MYRFL: variants seen among roughly 807,000 people sequenced by gnomAD.
The protein encoded by MYRFL is myelin regulatory factor like.
A neutral mutation model predicts 109.4 loss-of-function variants in MYRFL; 88 were observed. The ratio of observed to expected loss-of-function variants is 0.80; its 90% CI spans 0.68 to 0.96. The LOEUF is 0.96. Among genes scored for constraint, MYRFL ranks in the 40% least tolerant of loss-of-function variants. The pLI is 0.00. For synonymous variants in MYRFL, 324 were observed against 320.9 expected (o/e 1.01, Z -0.10); for missense variants, 957 against 954.9 (o/e 1.00, Z -0.03).
chr12:69,931,812 C>A (rs1484359954), intron 15 of MYRFL, among the ~76,000 whole-genome samples: 3 of 152,290 alleles, frequency 2.0e-5, no homozygotes, highest in African/African-American at 7.2e-5. Flanking sequence ...GCCTGTTCCC[C>A]ATATGCAAGT....
intron 2 of MYRFL, among the ~76,000 whole-genome samples, chr12:69,863,587 A>G (rs1174513637): frequency 6.6e-6 from 1 of 152,218 alleles, no homozygotes; most frequent in African/African-American, 2.4e-5. Context: ...TTTCCCTTTT[A>G]TATTGTAGCT....
At chr12:69,875,569 TA>T (rs1885609370) in intron 2 of MYRFL, among the ~76,000 whole-genome samples, 2 of 152,200 alleles carry the variant, frequency 1.3e-5, no homozygotes, top group Non-Finnish European at 2.9e-5. Flanking sequence ...GGTGGACTGC[TA>T]CGGGTCCATG....
intron 5 of MYRFL, among the ~76,000 whole-genome samples, chr12:69,882,253 C>T (rs992712311): frequency 1.3e-5 from 2 of 151,870 alleles, no homozygotes; most frequent in Non-Finnish European, 2.9e-5. Flanking sequence ...ATAACTGATT[C>T]CAGACAACAG....
chr12:69,846,029 C>G (rs1037960830), intron 1 of MYRFL, among the ~76,000 whole-genome samples: 1 of 150,726 alleles, frequency 6.6e-6, no homozygotes, highest in Admixed American at 6.6e-5. Context: ...TGGCTCTCCT[C>G]TGCATTCAGC....
At chr12:69,862,409 A>T (rs1352645925) in intron 2 of MYRFL, among the ~76,000 whole-genome samples, 2 of 151,602 alleles carry the variant, frequency 1.3e-5, no homozygotes, top group Non-Finnish European at 2.9e-5. Flanking sequence ...TTTGTTTGTA[A>T]CCTCTTTTAT....
At chr12:69,854,406 T>A (rs911569655) in intron 1 of MYRFL, among the ~76,000 whole-genome samples, 2 of 151,588 alleles carry the variant, frequency 1.3e-5, no homozygotes, top group Admixed American at 1.3e-4. Context: ...GTTTTTGAGA[T>A]GGAGACTCAC....
chr12:69,920,734 C>G (rs1481703510), intron 13 of MYRFL, among the ~76,000 whole-genome samples: 1 of 152,114 alleles, frequency 6.6e-6, no homozygotes, highest in East Asian at 1.9e-4. Context: ...GAGCATGGAG[C>G]GTGAAGAGGG....
intron 2 of MYRFL, among the ~76,000 whole-genome samples, chr12:69,877,386 G>A (rs1258207459): frequency 3.3e-5 from 5 of 152,114 alleles, no homozygotes. Context: ...CCTTAGCCCT[G>A]AATGCAGAAG....
At chr12:69,901,303 G>A (rs1026453496) in intron 10 of MYRFL, among the ~76,000 whole-genome samples, 1 of 152,212 alleles carries the variant, frequency 6.6e-6, no homozygotes, top group African/African-American at 2.4e-5. Context: ...ATTGTGGCTT[G>A]CTTTCACACA....
intron 1 of MYRFL, among the ~76,000 whole-genome samples, chr12:69,839,796 C>A (rs1330512609): frequency 6.6e-6 from 1 of 152,214 alleles, no homozygotes; most frequent in Non-Finnish European, 1.5e-5. Context: ...TTGACTGTCT[C>A]TCAAATGGCT....
At chr12:69,855,253 C>T in intron 1 of MYRFL, 27 bp from the exon 2 acceptor site, 2 of 698,780 alleles carry the variant, frequency 2.9e-6, no homozygotes, top group South Asian at 1.5e-5. Flanking sequence ...CTTCATGTTT[C>T]TCAAGATTTT....
At chr12:69,862,915 A>C (rs1006375860) in intron 2 of MYRFL, among the ~76,000 whole-genome samples, 7 of 152,108 alleles carry the variant, frequency 4.6e-5, no homozygotes, top group African/African-American at 1.4e-4. Context: ...TTATTTTGAG[A>C]TAGGTCCCAT....
intron 1 of MYRFL, among the ~76,000 whole-genome samples, chr12:69,853,302 C>T (rs1884014894): frequency 6.6e-6 from 1 of 151,538 alleles, no homozygotes; most frequent in African/African-American, 2.4e-5. Flanking sequence ...GGCAGAGACG[C>T]TCCTCACTTC....
chr12:69,871,582 G>A (rs1268919611), intron 2 of MYRFL, among the ~76,000 whole-genome samples: 2 of 151,956 alleles, frequency 1.3e-5, no homozygotes, highest in Non-Finnish European at 2.9e-5. Context: ...TTTTTATATT[G>A]CTTTTTTGCT....
rs1348568391 is a variant in MYRFL, at chr12:69,897,163, A to C, written c.1099A>C (p.Met367Leu). Residue 367 changes from methionine (M) to leucine (L), a missense_variant, in exon 10 of 25, where the codon ATG becomes CTG. Met to Leu is a conservative substitution (Grantham distance 15). Transcript: ENST00000552032. ...GKPNPDQRYF[M>L]LVVGLYAANQ... ...CTGCTGTCTCTGAATTAGATACTTC[A>C]TGTTGGTGGTTGGACTGTATGCTGC... 7.2e-6 allele frequency: 11 copies of C among 1,535,122 alleles called. No individual in the cohort carries two copies. The highest frequency in any genetic ancestry group is 7.1e-5 in the South Asian group (6 of 84,034).
At chr12:69,874,590 CT>C in intron 2 of MYRFL, among the ~76,000 whole-genome samples, 1 of 152,300 alleles carries the variant, frequency 6.6e-6, no homozygotes, top group Admixed American at 6.5e-5. Flanking sequence ...AACCATTTCC[CT>C]TTAGCCTGAA....
At chr12:69,859,764 G>A (rs913727798) in intron 2 of MYRFL, among the ~76,000 whole-genome samples, 4 of 152,134 alleles carry the variant, frequency 2.6e-5, no homozygotes, top group African/African-American at 7.2e-5. Context: ...AAAAAGTCAG[G>A]AAACAACAGG....
In MYRFL at chr12:69,937,326, GA is replaced by G. The variant is rs527823241; in HGVS notation, c.2224+695del. 9.2e-5 allele frequency among the ~76,000 whole-genome samples: 14 copies of G among 152,008 alleles called. No individual in the cohort carries two copies. In the South Asian group the frequency reaches 1.7e-3, roughly 18 times the overall value. On this transcript the variant is annotated intron_variant, in intron 19 of 24. Transcript: ENST00000552032. ...CATATTAATAAATAGTAATATTAATGATGATGCTAATAAGGATACATATTAC... is the reference window on the plus strand; with the variant it reads ...CATATTAATAAATAGTAATATTAATGTGATGCTAATAAGGATACATATTAC...
chr12:69,945,733 A>T (rs1955812228), intron 19 of MYRFL, among the ~76,000 whole-genome samples: 1 of 151,946 alleles, frequency 6.6e-6, no homozygotes, highest in East Asian at 1.9e-4. Flanking sequence ...CACGCCTGTA[A>T]TCCCAGCACT....
Sources: allele counts gnomAD v4.1 joint callset (sites outside exome capture counted in the v4.1 genomes callset), GRCh38; gene constraint gnomAD v4.1.1; transcripts MANE v1.5; gene names NCBI Gene and HGNC (gene_info 2026-07-23, HGNC 2026-07-21).